The following UTRN variants were observed in gnomAD, a reference collection of about 807,000 sequenced individuals.
UTRN encodes the protein dystrophin-related protein 1.
In UTRN, 283 loss-of-function variants were observed where a neutral mutation model predicts 463.9. The observed-to-expected ratio is 0.61, with a 90% CI of 0.55 to 0.67. UTRN has a LOEUF of 0.67. Among genes scored for constraint, UTRN ranks in the 30% least tolerant of loss-of-function variants. The pLI, the probability that UTRN is intolerant of heterozygous loss-of-function variation, is 0.00. For missense variants in UTRN, 3,922 were observed against 4,084.3 expected (o/e 0.96, Z 1.08); for synonymous variants, 1,442 against 1,431.5 (o/e 1.01, Z -0.17).
rs563064613 is a variant in UTRN, at chr6:144,658,937, T to C, written c.7480-19469T>C. 2.1e-3 allele frequency among the ~76,000 whole-genome samples: 320 copies of C among 152,338 alleles called. 1 individual carries two copies. The highest frequency in any genetic ancestry group is 7.4e-3 in the African/African-American group (308 of 41,566). On this transcript the variant is annotated intron_variant, in intron 51 of 74. Transcript: ENST00000367545. ...ATGTAGTTATTACTCACATTTTGAG[T>C]ACAGTAGTTTCTCTCATTAAGTTTT...
rs9390196 is a variant in UTRN at position 144,694,630 on chromosome 6, T to C, written c.7653-5457T>C. Among the ~76,000 whole-genome samples, 448 of 152,280 alleles carry C rather than the reference T, an allele frequency of 2.9e-3. 19 individuals are homozygous for C. In the East Asian group the frequency reaches 0.065, roughly 22 times the overall value. On this transcript the variant is annotated intron_variant, in intron 52 of 74. Transcript: ENST00000367545. Reference sequence around the variant, plus strand: ...TGGTTCAGTCCTGGGAGAATGTATGTGTCCAGGAATTTATCCATTTCTTCT... The same window carrying C: ...TGGTTCAGTCCTGGGAGAATGTATGCGTCCAGGAATTTATCCATTTCTTCT...
intron 50 of UTRN, among the ~76,000 whole-genome samples, chr6:144,567,737 A>G (rs1339224521): frequency 6.6e-6 from 1 of 152,178 alleles, no homozygotes; most frequent in African/African-American, 2.4e-5. Flanking sequence ...TCTAAAAGAG[A>G]TAAATGTATT....
chr6:144,297,428 C>T (rs371029932), intron 2 of UTRN, among the ~76,000 whole-genome samples: 1 of 152,256 alleles, frequency 6.6e-6, no homozygotes, highest in African/African-American at 2.4e-5. Context: ...CTTTCTGAGG[C>T]CTTTCTTGAG....
chr6:144,822,548 C>A (rs746176967), intron 66 of UTRN, among the ~76,000 whole-genome samples: 1 of 152,096 alleles, frequency 6.6e-6, no homozygotes, highest in Non-Finnish European at 1.5e-5. Context: ...TCTAAACATT[C>A]TTTTGCATAG....
At chr6:144,299,114 T>C (rs770636810) in intron 2 of UTRN, among the ~76,000 whole-genome samples, 1 of 152,256 alleles carries the variant, frequency 6.6e-6, no homozygotes, top group Non-Finnish European at 1.5e-5. Flanking sequence ...TTTATGCACA[T>C]GCTTTTATTT....
At chr6:144,512,227 A>G (rs971527322) in intron 35 of UTRN, among the ~76,000 whole-genome samples, 1 of 152,310 alleles carries the variant, frequency 6.6e-6, no homozygotes, top group East Asian at 1.9e-4. Flanking sequence ...CACATAGAAT[A>G]TGCTCATTAA....
intron 51 of UTRN, among the ~76,000 whole-genome samples, chr6:144,657,990 GC>G (rs1779503304): frequency 6.6e-6 from 1 of 152,038 alleles, no homozygotes; most frequent in African/African-American, 2.4e-5. Flanking sequence ...TCAGCATGTG[GC>G]CCCAGAGTCT....
Position 144,805,938 on chromosome 6 carries a change from C to G in UTRN, c.9357+2791C>G, listed in dbSNP as rs548491402. On this transcript the variant is annotated intron_variant, in intron 65 of 74. Transcript: ENST00000367545. The stretch of plus-strand genomic sequence containing the variant: ...AGGCAACTATCAGATTGTATAGAAC[C>G]CTGGGGATCATTGTAAGGAATTTGG... 7.9e-5 allele frequency among the ~76,000 whole-genome samples: 12 copies of G among 151,924 alleles called. No homozygotes were observed. In the East Asian group the frequency reaches 2.3e-3, roughly 29 times the overall value.
chr6:144,824,074 G>C (rs966055425), intron 66 of UTRN, among the ~76,000 whole-genome samples: 3 of 152,144 alleles, frequency 2.0e-5, no homozygotes, highest in Non-Finnish European at 2.9e-5. Flanking sequence ...CTGGTCCAAG[G>C]AAGCATTTTC....
intron 2 of UTRN, among the ~76,000 whole-genome samples, chr6:144,391,048 A>G (rs1421855490): frequency 6.6e-6 from 1 of 152,062 alleles, no homozygotes; most frequent in Non-Finnish European, 1.5e-5. Flanking sequence ...GACAACAAAC[A>G]TAACAAAGAG....
chr6:144,433,816 A>G (rs1392735952), intron 9 of UTRN, among the ~76,000 whole-genome samples: 1 of 149,686 alleles, frequency 6.7e-6, no homozygotes, highest in Non-Finnish European at 1.5e-5. Context: ...CTCACTTCCT[A>G]GATGGGATGG....
At chr6:144,794,081 G>T in intron 63 of UTRN, 90 bp downstream of exon 63, 2 of 1,510,692 alleles carry the variant, frequency 1.3e-6, no homozygotes, top group Non-Finnish European at 1.8e-6. Context: ...TCGGGCTGGA[G>T]CCAAATACTG....
chr6:144,343,942 A>C (rs1206222390), intron 2 of UTRN, among the ~76,000 whole-genome samples: 2 of 151,866 alleles, frequency 1.3e-5, no homozygotes, highest in African/African-American at 2.4e-5. Flanking sequence ...TAGGAACATG[A>C]ATAGAGGCCC....
chr6:144,457,631 G>C (rs1788993111), intron 19 of UTRN, among the ~76,000 whole-genome samples: 1 of 152,194 alleles, frequency 6.6e-6, no homozygotes, highest in African/African-American at 2.4e-5. Flanking sequence ...TTACCTGAGA[G>C]ATGGTGGTGA....
At chr6:144,449,720 T>C (rs1473541557) in intron 17 of UTRN, among the ~76,000 whole-genome samples, 1 of 152,184 alleles carries the variant, frequency 6.6e-6, no homozygotes, top group Non-Finnish European at 1.5e-5. Context: ...AGAAACACTT[T>C]AAGCAAAGTT....
chr6:144,751,872 C>T lies in UTRN; in HGVS notation c.8275C>T (p.Leu2759=), dbSNP rs752161235. ...AACGGTGAATGATTTATCCAGTCAG[C>T]TGTCTCCACTTGACCTGCATCCCTC... ...VKTVNDLSSQ[L]SPLDLHPSLK... Residue 2759 remains leucine, a synonymous_variant, in exon 56 of 75, where the codon CTG becomes TTG. Transcript: ENST00000367545. The T allele has an allele frequency of 1.3e-5, 21 of 1,612,242 alleles. 1 individual carries two copies. The highest frequency in any genetic ancestry group is 3.3e-5 in the Admixed American group (2 of 59,752).
chr6:144,739,364 A>G (rs532001790), intron 54 of UTRN, among the ~76,000 whole-genome samples: 1 of 152,368 alleles, frequency 6.6e-6, no homozygotes, highest in East Asian at 1.9e-4. Context: ...AAATTATTAT[A>G]TAGTTTAGTA....
rs1302247685 is a variant in UTRN at position 144,835,855 on chromosome 6, C to T, written c.9741C>T (p.Ser3247=). The change falls in exon 70 of 75, where the codon AGC becomes AGT. Residue 3247 remains serine, a synonymous_variant. Coordinates refer to ENST00000367545, the MANE Select transcript of UTRN (RefSeq NM_007124.3). ...AGTCCCCAGTGAGCCAGCCGCAGAG[C>T]CCAGCTCAGATCCTGAAGTCAGTAG... ...GGESPVSQPQ[S]PAQILKSVER... is the part of the protein sequence containing the mutation. The T allele has an allele frequency of 1.2e-6, 2 of 1,613,958 alleles. No homozygotes were observed. The highest frequency in any genetic ancestry group is 1.7e-6 in the Non-Finnish European group (2 of 1,179,982).
chr6:144,737,446 A>G (rs1039839663), intron 54 of UTRN, among the ~76,000 whole-genome samples: 3 of 152,226 alleles, frequency 2.0e-5, no homozygotes, highest in African/African-American at 7.2e-5. Flanking sequence ...TGGGACTTTC[A>G]ACAGTAAAAG....
Sources: gnomAD v4.1 joint callset for allele counts (sites outside exome capture counted in the v4.1 genomes callset) on GRCh38, gnomAD v4.1.1 for gene constraint, MANE v1.5 for transcripts, NCBI Gene and HGNC (gene_info 2026-07-23, HGNC 2026-07-21) for gene names.